The following DCHS2 variants were observed in gnomAD, a reference collection of about 807,000 sequenced individuals.
The protein encoded by DCHS2 is protocadherin-23.
A neutral mutation model predicts 182.4 loss-of-function variants in DCHS2; 142 were observed. That is an observed-to-expected ratio of 0.78 (90% CI 0.68 to 0.89). The LOEUF is 0.89. Ranked by LOEUF, DCHS2 falls within the 40% of genes least tolerant of loss-of-function variation. The pLI is 0.00. For missense variants in DCHS2, 4,319 were observed against 4,198.6 expected, an observed-to-expected ratio of 1.03 and a Z score of -0.79; for synonymous variants, 1,740 against 1,663.3, an observed-to-expected ratio of 1.05 and a Z score of -1.12.
intron 1 of DCHS2, among the ~76,000 whole-genome samples, chr4:154,485,998 G>A (rs1728566166): frequency 6.6e-6 from 1 of 152,212 alleles, no homozygotes; most frequent in African/African-American, 2.4e-5. Context: ...TGTCTGCAGA[G>A]TGGAATTCCC....
intron 1 of DCHS2, among the ~76,000 whole-genome samples, chr4:154,476,490 G>GA (rs1735687711): frequency 6.6e-6 from 1 of 152,214 alleles, no homozygotes; most frequent in South Asian, 2.1e-4. Context: ...CTGCTTTTCA[G>GA]AAAGCTGTAA....
At chr4:154,397,339 T>A (rs1488764304) in intron 1 of DCHS2, among the ~76,000 whole-genome samples, 1 of 152,228 alleles carries the variant, frequency 6.6e-6, no homozygotes, top group East Asian at 1.9e-4. Context: ...TAACTTCTTT[T>A]ACAAATTAGG....
chr4:154,300,709 T>A (rs146202859), intron 12 of DCHS2, among the ~76,000 whole-genome samples: 7 of 151,680 alleles, frequency 4.6e-5, no homozygotes, highest in Middle Eastern at 3.4e-3. Context: ...AGAGCCTGTC[T>A]TTAAAAAAAA....
intron 1 of DCHS2, among the ~76,000 whole-genome samples, chr4:154,488,764 G>A (rs918456550): frequency 3.3e-5 from 5 of 152,064 alleles, no homozygotes; most frequent in Admixed American, 2.0e-4. Flanking sequence ...AATTAGCCAG[G>A]TATGGTGGCA....
intron 1 of DCHS2, among the ~76,000 whole-genome samples, chr4:154,471,884 G>A (rs1369394166): frequency 6.6e-6 from 1 of 152,082 alleles, no homozygotes; most frequent in African/African-American, 2.4e-5. Context: ...TAAAGGTGAT[G>A]CATAGTTAGG....
chr4:154,298,566 T>C lies in DCHS2; in HGVS notation c.5748A>G (p.Val1916=). 6.2e-7 allele frequency: 1 copy of C among 1,614,164 alleles called. No individual in the cohort carries two copies. The highest frequency in any genetic ancestry group is 8.5e-7 in the Non-Finnish European group (1 of 1,180,012). ...CCAAAACTCTAACTTGCAGGTGTAT[T>C]ACAGAGCTCCTAGGTGGATCTCCCA... The part of the protein sequence containing the change: ...SDLGDPPRSS[V]IHLQVRVLDA... Residue 1916 remains valine, a synonymous_variant, in exon 13 of 20, where the codon GTA becomes GTG. Transcript: ENST00000357232.
chr4:154,371,951 G>A (rs1730668011), intron 2 of DCHS2, among the ~76,000 whole-genome samples: 1 of 152,164 alleles, frequency 6.6e-6, no homozygotes, highest in African/African-American at 2.4e-5. Context: ...TTCGACATGA[G>A]ATTTGATGGG....
At position 154,233,814 on chromosome 4, in the gene DCHS2, A is replaced by G. The variant is rs1327904163; in HGVS notation, c.*722T>C. On this transcript the variant is annotated 3_prime_UTR_variant, in exon 20 of 20. Transcript: ENST00000357232. Reference sequence around the variant, plus strand: ...TTGCGAGTATCAATCCTGGCCCTCTATCAGGAACATGCATTTCTGGTTTAT... The same window carrying G: ...TTGCGAGTATCAATCCTGGCCCTCTGTCAGGAACATGCATTTCTGGTTTAT... 1 of 152,170 alleles carries G rather than the reference A, an allele frequency of 6.6e-6. No individual in the cohort carries two copies. Among genetic ancestry groups the G allele is most frequent in the East Asian group, 1.9e-4 (1 of 5,200 alleles). The allele number at this position is 152,170 out of a possible 1,614,324, so 9.4% of individuals were successfully genotyped here.
chr4:154,242,700 A>T lies in DCHS2; in HGVS notation c.7014T>A (p.Thr2338=). The T allele has an allele frequency of 6.2e-7, 1 of 1,613,246 alleles. No individual in the cohort carries two copies. The highest frequency in any genetic ancestry group is 1.1e-5 in the South Asian group (1 of 91,030). Reference sequence around the variant, plus strand: ...AAGCTGGGGCATTGTCATTTATATCAGTCACCTGTACCTTGATTACAGTCG... The same window carrying T: ...AAGCTGGGGCATTGTCATTTATATCTGTCACCTGTACCTTGATTACAGTCG... ...SNTTVIKVQV[T]DINDNAPAFL... Residue 2338 remains threonine (T), a synonymous_variant, in exon 17 of 20, where the codon ACT becomes ACA. Coordinates refer to ENST00000357232, the MANE Select transcript of DCHS2 (RefSeq NM_001358235.2).
chr4:154,361,022 T>C (rs1290195526), intron 3 of DCHS2, among the ~76,000 whole-genome samples: 2 of 152,186 alleles, frequency 1.3e-5, no homozygotes, highest in South Asian at 2.1e-4. Flanking sequence ...TGAATAAATA[T>C]GTATTGAACA....
rs1013717620 is a variant in DCHS2, at chr4:154,442,542, C to A, written c.2052+46762G>T. ...TGAAAAGTGGACACCCCCCCCCCCC[C>A]ACACACACACACACACACACCAGGA... On this transcript the variant is annotated intron_variant, in intron 1 of 19. Transcript: ENST00000357232. Among the ~76,000 whole-genome samples, 8 of 52,502 alleles carry A rather than the reference C, an allele frequency of 1.5e-4. 1 individual carries two copies. Among genetic ancestry groups the A allele is most frequent in the Admixed American group, 2.5e-4 (1 of 3,946 alleles). The allele number at this position is 52,502 out of a possible 152,430, so 34.4% of individuals were successfully genotyped here.
chr4:154,293,314 C>T (rs981366591), intron 13 of DCHS2, among the ~76,000 whole-genome samples: 1 of 151,862 alleles, frequency 6.6e-6, no homozygotes, highest in African/African-American at 2.4e-5. Flanking sequence ...GCGATTCTCC[C>T]GGATTACAGG....
intron 1 of DCHS2, among the ~76,000 whole-genome samples, chr4:154,390,011 C>T (rs1374700483): frequency 6.6e-6 from 1 of 152,114 alleles, no homozygotes. Flanking sequence ...ACTGGCACTT[C>T]AACATCTTTT....
chr4:154,458,809 G>A (rs567085869), intron 1 of DCHS2, among the ~76,000 whole-genome samples: 5 of 152,274 alleles, frequency 3.3e-5, no homozygotes, highest in African/African-American at 1.2e-4. Flanking sequence ...TTAGACTGGT[G>A]GTAGTATCAG....
intron 1 of DCHS2, among the ~76,000 whole-genome samples, chr4:154,403,216 G>A (rs1732263296): frequency 6.6e-6 from 1 of 152,058 alleles, no homozygotes; most frequent in African/African-American, 2.4e-5. Context: ...TAGAAGTGGT[G>A]AGAAAAGCAC....
At position 154,334,953 on chromosome 4, in the gene DCHS2, A is replaced by C; in HGVS notation, c.2628T>G (p.Phe876Leu). The stretch of plus-strand genomic sequence containing the variant: ...CTAAGAAAGTGTACTTAGGCCTTTC[A>C]AACTCAGCAGGTGCCAGAGTTGTCT... ...IFQTTLAPAE[F>L]ERPKYTFLVY... The change falls in exon 4 of 20, where the codon TTT (phenylalanine) becomes TTG (leucine). Residue 876 changes from phenylalanine to leucine, a missense_variant. Transcript: ENST00000357232. The C allele has an allele frequency of 1.2e-6, 2 of 1,614,222 alleles. No individual in the cohort carries two copies. The highest frequency in any genetic ancestry group is 1.7e-6 in the Non-Finnish European group (2 of 1,180,036).
intron 1 of DCHS2, among the ~76,000 whole-genome samples, chr4:154,446,089 C>G (rs1273384403): frequency 6.6e-6 from 1 of 152,164 alleles, no homozygotes; most frequent in African/African-American, 2.4e-5. Flanking sequence ...TTCTCCTTTT[C>G]CAATAATGAG....
chr4:154,417,204 T>TGTGTGTGAGAGAGAGAGAGA (rs1560745908), intron 1 of DCHS2, among the ~76,000 whole-genome samples: 1 of 39,470 alleles, frequency 2.5e-5, no homozygotes, highest in Non-Finnish European at 4.8e-5. Flanking sequence ...TGTGTGTGTG[T>TGTGTGTGAGAGAGAGAGAGA]GAGAGAGAGA....
intron 1 of DCHS2, among the ~76,000 whole-genome samples, chr4:154,393,133 A>T (rs1731780427): frequency 6.6e-6 from 1 of 152,222 alleles, no homozygotes; most frequent in South Asian, 2.1e-4. Flanking sequence ...TCCAACAGAA[A>T]TGGATGTTAC....
Sources: gnomAD v4.1 joint callset for allele counts (sites outside exome capture counted in the v4.1 genomes callset) on GRCh38, gnomAD v4.1.1 for gene constraint, MANE v1.5 for transcripts, NCBI Gene and HGNC (gene_info 2026-07-23, HGNC 2026-07-21) for gene names.